Variants in CASK observed in about 807,000 individuals in gnomAD.
CASK encodes calcium/calmodulin dependent serine protein kinase.
In CASK, 4 loss-of-function variants were observed where a neutral mutation model predicts 82.9. The ratio of observed to expected loss-of-function variants is 0.05; its 90% CI spans 0.02 to 0.11. CASK has a LOEUF of 0.11. CASK is among the 10% of genes least tolerant of loss of function. CASK has a pLI of 1.00. For synonymous variants in CASK, 259 were observed against 253.5 expected, an observed-to-expected ratio of 1.02 and a Z score of -0.20; for missense variants, 358 against 720.9, an observed-to-expected ratio of 0.50 and a Z score of 5.76.
chrX:41,555,533 G>A (rs916224565), intron 20 of CASK, 67 bp downstream of exon 20: 1 of 813,991 alleles, frequency 1.2e-6, no homozygotes, highest in Admixed American at 2.2e-5. Context: ...GGGATGGAAA[G>A]GGTTAATAAA....
At chrX:41,543,002 T>C (rs1347636610) in intron 21 of CASK, among the ~76,000 whole-genome samples, 196 bp from the exon 22 acceptor site, 3 of 112,197 alleles carry the variant, frequency 2.7e-5, no homozygotes, top group Non-Finnish European at 5.6e-5. Flanking sequence ...TATAGGCTTA[T>C]ATTAAAATGG....
chrX:41,531,218 T>C lies in CASK; in HGVS notation c.2318-9A>G, dbSNP rs2064798851. ...TGGAGGTCTGGTTGTATCTGCAAAG[T>C]CGCATGGCACAAGAGGTTTAAAAGG... is the stretch of plus-strand genomic sequence containing the variant. On this transcript the variant is annotated splice_polypyrimidine_tract_variant and intron_variant, in intron 24 of 26. Transcript: ENST00000378163. The C allele has an allele frequency of 1.7e-6, 2 of 1,189,528 alleles. No homozygotes were observed. The highest frequency in any genetic ancestry group is 1.8e-5 in the South Asian group (1 of 56,476).
At chrX:41,645,043 T>C (rs1474123174) in intron 8 of CASK, among the ~76,000 whole-genome samples, 2 of 111,473 alleles carry the variant, frequency 1.8e-5, no homozygotes, top group African/African-American at 6.5e-5. Flanking sequence ...ATTACCCTGT[T>C]AAGTACTTGA....
At chrX:41,610,511 G>A (rs144029038) in intron 11 of CASK, among the ~76,000 whole-genome samples, 6 of 111,532 alleles carry the variant, frequency 5.4e-5, no homozygotes, top group Non-Finnish European at 9.4e-5. Context: ...AGGCTTCTTA[G>A]TTTTTAAGAC....
intron 5 of CASK, among the ~76,000 whole-genome samples, chrX:41,723,225 A>C (rs977189913): frequency 8.9e-6 from 1 of 112,168 alleles, no homozygotes; most frequent in African/African-American, 3.2e-5. Context: ...ATTTACTGAT[A>C]ACTAAAATGC....
intron 2 of CASK, among the ~76,000 whole-genome samples, chrX:41,834,810 C>T (rs1162372224): frequency 8.9e-6 from 1 of 112,399 alleles, no homozygotes; most frequent in East Asian, 2.8e-4. Context: ...ACAGAGCAAA[C>T]TTAACAAAAG....
At chrX:41,612,661 T>G (rs1286398543) in intron 11 of CASK, among the ~76,000 whole-genome samples, 2 of 58,597 alleles carry the variant, frequency 3.4e-5, no homozygotes, top group Non-Finnish European at 6.2e-5. Flanking sequence ...GGTGGGGGGG[T>G]CAGACCCCCG....
intron 1 of CASK, among the ~76,000 whole-genome samples, chrX:41,869,424 T>A (rs554386612): frequency 2.2e-4 from 25 of 111,481 alleles, no homozygotes; most frequent in African/African-American, 7.5e-4. Flanking sequence ...AGCTGTCCTA[T>A]CCCCTAAACC....
intron 15 of CASK, among the ~76,000 whole-genome samples, chrX:41,575,230 T>A (rs1202187824): frequency 9.0e-6 from 1 of 111,403 alleles, no homozygotes; most frequent in East Asian, 2.8e-4. Context: ...ACAAAAAGGG[T>A]CTCCCATGGC....
At chrX:41,864,660 T>A (rs1306600347) in intron 1 of CASK, among the ~76,000 whole-genome samples, 1 of 112,413 alleles carries the variant, frequency 8.9e-6, no homozygotes, top group Admixed American at 9.4e-5. Flanking sequence ...AAATTGTCAA[T>A]TAAATTCTTA....
chrX:41,754,487 T>C (rs1419972009), intron 3 of CASK, among the ~76,000 whole-genome samples: 1 of 111,568 alleles, frequency 9.0e-6, no homozygotes, highest in Non-Finnish European at 1.9e-5. Context: ...TCAAAGAAAT[T>C]AGATGAAAGG....
chrX:41,725,249 G>A (rs966872087), intron 5 of CASK, among the ~76,000 whole-genome samples: 3 of 111,832 alleles, frequency 2.7e-5, no homozygotes, highest in African/African-American at 9.7e-5. Flanking sequence ...GACTTTGGGT[G>A]TGGATTGGTT....
chrX:41,886,195 G>A (rs1170218535), intron 1 of CASK, among the ~76,000 whole-genome samples: 1 of 111,672 alleles, frequency 9.0e-6, no homozygotes, highest in Admixed American at 9.5e-5. Context: ...TGTAATTGAA[G>A]CTTCAGAGCT....
At chrX:41,651,396 AG>A (rs755639159) in intron 8 of CASK, among the ~76,000 whole-genome samples, 25 of 111,778 alleles carry the variant, frequency 2.2e-4, no homozygotes, top group Non-Finnish European at 4.1e-4. Flanking sequence ...AACAAAACAA[AG>A]AAAGTATCTA....
At chrX:41,696,159 T>A in intron 5 of CASK, 1 of 1,206,915 alleles carries the variant, frequency 8.3e-7, no homozygotes, top group Non-Finnish European at 1.1e-6. Context: ...TTATGTCTGT[T>A]GTATAGTATG....
chrX:41,894,760 G>C (rs905452124), intron 1 of CASK, among the ~76,000 whole-genome samples: 4 of 111,379 alleles, frequency 3.6e-5, no homozygotes, highest in Non-Finnish European at 5.7e-5. Context: ...AGATAAAAGT[G>C]GGGGCAGGGA....
intron 5 of CASK, among the ~76,000 whole-genome samples, chrX:41,734,580 G>A (rs1357428216): frequency 8.9e-6 from 1 of 112,264 alleles, no homozygotes; most frequent in Non-Finnish European, 1.9e-5. Context: ...TTATATGCAT[G>A]CCTTAATTAA....
At chrX:41,631,564 G>A (rs1376221748) in intron 9 of CASK, among the ~76,000 whole-genome samples, 2 of 111,611 alleles carry the variant, frequency 1.8e-5, no homozygotes, top group African/African-American at 3.3e-5. Context: ...CGCCTCCCAG[G>A]TTCAAGCAAT....
chrX:41,822,782 AAT>A (rs1293872056), intron 2 of CASK, among the ~76,000 whole-genome samples: 1 of 108,778 alleles, frequency 9.2e-6, no homozygotes, highest in African/African-American at 3.4e-5. Flanking sequence ...GACCAACTAG[AAT>A]ATGTTTGATG....
Sources: gnomAD v4.1 joint callset for allele counts (sites outside exome capture counted in the v4.1 genomes callset) on GRCh38, gnomAD v4.1.1 for gene constraint, MANE v1.5 for transcripts, NCBI Gene and HGNC (gene_info 2026-07-23, HGNC 2026-07-21) for gene names.